SLC1A1: variants seen among roughly 807,000 people sequenced by gnomAD.
SLC1A1 encodes the protein solute carrier family 1 member 1.
In SLC1A1, 43 loss-of-function variants were observed where a neutral mutation model predicts 53.3. The ratio of observed to expected loss-of-function variants is 0.81; its 90% CI spans 0.63 to 1.04. SLC1A1 has a LOEUF of 1.04. Among genes scored for constraint, SLC1A1 ranks in the 50% least tolerant of loss-of-function variants. The probability of loss-of-function intolerance (pLI) is 0.00; values close to 1 mark genes in which losing one functional copy is unlikely to be tolerated. For missense variants in SLC1A1, 748 were observed against 664.9 expected, an observed-to-expected ratio of 1.12 and a Z score of -1.37; for synonymous variants, 307 against 243.2, an observed-to-expected ratio of 1.26 and a Z score of -2.44.
At chr9:4,573,777 C>A in intron 7 of SLC1A1, 130 bp from the exon 8 acceptor site, 1 of 761,466 alleles carries the variant, frequency 1.3e-6, no homozygotes, top group Admixed American at 1.7e-5. Flanking sequence ...AGCTTCAATT[C>A]CCATCCTGTG....
intron 1 of SLC1A1, among the ~76,000 whole-genome samples, chr9:4,533,829 T>C (rs1040256433): frequency 7.2e-5 from 11 of 152,100 alleles, no homozygotes; most frequent in Non-Finnish European, 1.5e-4. Context: ...CCTCAGCAAA[T>C]GTAAAAGAAC....
In SLC1A1 at chr9:4,583,290, G is replaced by T. The variant is rs1821276241; in HGVS notation, c.1328+118G>T. 3 of 1,310,226 alleles carry T rather than the reference G, an allele frequency of 2.3e-6. No homozygotes were observed. The highest frequency in any genetic ancestry group is 3.3e-6 in the Non-Finnish European group (3 of 910,644). The allele number at this position is 1,310,226 out of a possible 1,614,324, so 81.2% of individuals were successfully genotyped here. A position where few individuals can be genotyped will look rare whatever the true frequency, so the allele number is the denominator to read the frequency against. ...ATTGCCTAATGAGCCACCTGTTGCT[G>T]CTTTAATTTTCCTCTGACCAGGCCA... On this transcript the variant is annotated intron_variant, in intron 11 of 11. Coordinates refer to ENST00000262352, the MANE Select transcript of SLC1A1 (RefSeq NM_004170.6). This position sits in a 1 kb window ranked among gnomAD's most constrained non-coding sequence, Gnocchi z 4.6.
chr9:4,490,614 G>T lies in SLC1A1; in HGVS notation c.-66G>T. 7.6e-7 allele frequency: 1 copy of T among 1,322,906 alleles called. No homozygotes were observed. Among genetic ancestry groups the T allele is most frequent in the Non-Finnish European group, 1.1e-6 (1 of 928,874 alleles). The allele number at this position is 1,322,906 out of a possible 1,614,324, so 81.9% of individuals were successfully genotyped here. ...ATCTCGCCGCGCCGCCGAGCAGCCA[G>T]CAGTCCCCGGGTCGCCCAGCCCACG... On this transcript the variant is annotated 5_prime_UTR_variant, in exon 1 of 12. Coordinates refer to ENST00000262352, the MANE Select transcript of SLC1A1 (RefSeq NM_004170.6).
chr9:4,509,516 C>T (rs917054214), intron 1 of SLC1A1, among the ~76,000 whole-genome samples: 2 of 151,318 alleles, frequency 1.3e-5, no homozygotes, highest in Admixed American at 1.3e-4. Flanking sequence ...AAAGGCAGGG[C>T]CTATGTGGCT....
rs541048196 is a variant in SLC1A1 at position 4,503,739 on chromosome 9, G to A, written c.91+12969G>A. On this transcript the variant is annotated intron_variant, in intron 1 of 11. Coordinates refer to ENST00000262352, the MANE Select transcript of SLC1A1 (RefSeq NM_004170.6). ...GCACTTTTTCTTACCTGTTTCCTAA[G>A]GACAAGAATGCAATACTACACAGGT... Among the ~76,000 whole-genome samples, 11 of 151,974 alleles carry A rather than the reference G, an allele frequency of 7.2e-5. 1 individual carries two copies. The highest frequency in any genetic ancestry group is 2.4e-4 in the African/African-American group (10 of 41,266).
rs368512190 is a variant in SLC1A1, at chr9:4,574,021, C to T, written c.875+7C>T. 4 of 1,575,180 alleles carry T rather than the reference C, an allele frequency of 2.5e-6. No homozygotes were observed. Among genetic ancestry groups the T allele is most frequent in the Admixed American group, 1.7e-5 (1 of 59,966 alleles). On this transcript the variant is annotated splice_region_variant and intron_variant, in intron 8 of 11. Coordinates refer to ENST00000262352, the MANE Select transcript of SLC1A1 (RefSeq NM_004170.6). ...TGGCCACAGTCCTGACTGGGTATGT[C>T]AGACTCAAGAGAAGAGACAGAAACC... is the stretch of plus-strand genomic sequence containing the variant.
intron 1 of SLC1A1, among the ~76,000 whole-genome samples, chr9:4,533,112 C>G (rs1424277686): frequency 1.3e-5 from 2 of 152,252 alleles, no homozygotes; most frequent in East Asian, 1.9e-4. Context: ...CAAAAACACA[C>G]CAAATTGTAA....
intron 3 of SLC1A1, among the ~76,000 whole-genome samples, chr9:4,563,941 G>C (rs1819228939): frequency 6.6e-6 from 1 of 152,136 alleles, no homozygotes; most frequent in Admixed American, 6.5e-5. Flanking sequence ...GTTGCAGAAA[G>C]ACATCAGATG....
chr9:4,503,997 A>G (rs1323872724), intron 1 of SLC1A1, among the ~76,000 whole-genome samples: 5 of 152,172 alleles, frequency 3.3e-5, no homozygotes, highest in Admixed American at 1.3e-4. Context: ...TGGAATGGGG[A>G]CCCCAGAAGA....
In SLC1A1 at chr9:4,570,506, G is replaced by A. The variant is rs1389551612; in HGVS notation, c.583-1698G>A. 5.9e-5 allele frequency among the ~76,000 whole-genome samples: 9 copies of A among 152,080 alleles called. No individual in the cohort carries two copies. The East Asian group carries it at 1.7e-3, about 30-fold the overall frequency. Reference sequence around the variant, plus strand: ...CTGCCTCAGCCTCCCAAGCAGCTGGGATTACAGGCACGTGCCACAATGCCT... The same window carrying A: ...CTGCCTCAGCCTCCCAAGCAGCTGGAATTACAGGCACGTGCCACAATGCCT... On this transcript the variant is annotated intron_variant, in intron 6 of 11. Transcript: ENST00000262352.
chr9:4,565,475 A>C (rs1339023791), intron 4 of SLC1A1, among the ~76,000 whole-genome samples: 1 of 152,190 alleles, frequency 6.6e-6, no homozygotes, highest in Non-Finnish European at 1.5e-5. Context: ...GGCAGAAGGC[A>C]AAGGGGAAGC....
chr9:4,491,037 G>A (rs564865032), intron 1 of SLC1A1, among the ~76,000 whole-genome samples: 1 of 152,208 alleles, frequency 6.6e-6, no homozygotes, highest in Non-Finnish European at 1.5e-5. Flanking sequence ...AAAGGGGCTT[G>A]GGGGTAGAAA....
intron 1 of SLC1A1, among the ~76,000 whole-genome samples, chr9:4,512,639 G>C (rs943819666): frequency 3.9e-5 from 6 of 152,198 alleles, no homozygotes; most frequent in African/African-American, 1.4e-4. Context: ...AAGATATCAA[G>C]TGTAATATTG....
chr9:4,572,463 T>C (rs1025055181), intron 7 of SLC1A1, 75 bp downstream of exon 7: 5 of 1,331,800 alleles, frequency 3.8e-6, no homozygotes, highest in Non-Finnish European at 5.4e-6. Flanking sequence ...AGAAGAGGTT[T>C]TATGTTTGTC....
chr9:4,501,394 A>G (rs1183438846), intron 1 of SLC1A1, among the ~76,000 whole-genome samples: 2 of 151,474 alleles, frequency 1.3e-5, no homozygotes, highest in Admixed American at 1.3e-4. Flanking sequence ...GAGGGTCCAC[A>G]TGGCCACATG....
chr9:4,496,723 C>T (rs1235699150), intron 1 of SLC1A1, among the ~76,000 whole-genome samples: 1 of 151,966 alleles, frequency 6.6e-6, no homozygotes, highest in Non-Finnish European at 1.5e-5. Context: ...AGCAGGACCC[C>T]TGTCTCTGCA....
At chr9:4,567,605 G>C (rs969868227) in intron 5 of SLC1A1, 64 bp from the exon 6 acceptor site, 13 of 1,002,858 alleles carry the variant, frequency 1.3e-5, no homozygotes, top group African/African-American at 3.2e-5. Context: ...CTGTGATTTA[G>C]TCTCAAAAGC....
chr9:4,550,377 T>G (rs1055212167), intron 2 of SLC1A1, among the ~76,000 whole-genome samples: 8 of 152,178 alleles, frequency 5.3e-5, no homozygotes, highest in African/African-American at 1.9e-4. Context: ...GGATCAGAGG[T>G]TTTCTACTAC....
At chr9:4,574,335 T>C (rs1820349949) in intron 8 of SLC1A1, among the ~76,000 whole-genome samples, 1 of 152,230 alleles carries the variant, frequency 6.6e-6, no homozygotes, top group Admixed American at 6.5e-5. Flanking sequence ...CTGGCCTTCA[T>C]TTCCTTAAGA....
Sources: gnomAD v4.1 joint callset for allele counts (sites outside exome capture counted in the v4.1 genomes callset) on GRCh38, gnomAD v4.1.1 for gene constraint, Gnocchi (gnomAD v3.1) non-coding constraint, MANE v1.5 for transcripts, NCBI Gene and HGNC (gene_info 2026-07-23, HGNC 2026-07-21) for gene names.